IGF1: variants seen among roughly 807,000 people sequenced by gnomAD.
IGF1 encodes the protein insulin-like growth factor 1.
Under a neutral mutation model 13.8 loss-of-function variants are expected in IGF1, and 4 were observed. The ratio of observed to expected loss-of-function variants is 0.29; its 90% confidence interval spans 0.14 to 0.66. IGF1 has a LOEUF of 0.66. IGF1 is among the 30% of genes least tolerant of loss of function. The pLI is 0.78. For missense variants in IGF1, 124 were observed against 188.5 expected (o/e 0.66, Z 2.00); for synonymous variants, 76 against 72.6 (o/e 1.05, Z -0.23).
rs993885014 is a variant in IGF1 at position 102,397,574 on chromosome 12, T to C, written c.*4933A>G. ...TCTAATACCTAACAGGAAGGTCTTA[T>C]AAAATATTAAAATAGCAATAAGCAA... On this transcript the variant is annotated 3_prime_UTR_variant, in exon 4 of 4. Coordinates refer to ENST00000337514, the MANE Select transcript of IGF1 (RefSeq NM_000618.5). 1 of 152,184 alleles carries C rather than the reference T, an allele frequency of 6.6e-6. No individual in the cohort carries two copies. Among genetic ancestry groups the C allele is most frequent in the Non-Finnish European group, 1.5e-5 (1 of 68,022 alleles). 9.4% of individuals were successfully genotyped at this position (152,184 alleles called of 1,614,324 possible).
intron 2 of IGF1, among the ~76,000 whole-genome samples, chr12:102,438,084 A>G (rs1051232233): frequency 3.3e-5 from 5 of 152,168 alleles, no homozygotes; most frequent in Non-Finnish European, 5.9e-5. Flanking sequence ...ATGTTTGTGG[A>G]TTTTCCTGGA....
Position 102,419,491 on chromosome 12 carries a change from C to A in IGF1, c.402+18G>T. ...GAGACCACTTGAGGATGGCTGGATC[C>A]CACCCAGGTGGGCTTACCTTCTGGG... On this transcript the variant is annotated intron_variant, in intron 3 of 3. Transcript: ENST00000337514. 1 of 1,609,588 alleles carries A rather than the reference C, an allele frequency of 6.2e-7. No individual in the cohort carries two copies. Among genetic ancestry groups the A allele is most frequent in the South Asian group, 1.1e-5 (1 of 90,872 alleles).
intron 3 of IGF1, among the ~76,000 whole-genome samples, chr12:102,413,481 C>A (rs1302747420): frequency 6.6e-6 from 1 of 152,154 alleles, no homozygotes; most frequent in Non-Finnish European, 1.5e-5. Flanking sequence ...GAGCTCATTT[C>A]TTTGCCTCCT....
intron 1 of IGF1, chr12:102,478,587 G>C (rs1421164370): frequency 1.3e-6 from 2 of 1,564,700 alleles, no homozygotes; most frequent in African/African-American, 2.7e-5. Flanking sequence ...TTAAAAACAT[G>C]TGCTGCTTTG....
rs1873146781 is a variant in IGF1 at position 102,395,969 on chromosome 12, A to G, written c.*6538T>C. 1 of 152,220 alleles carries G rather than the reference A, an allele frequency of 6.6e-6. No homozygotes were observed. 9.4% of individuals were successfully genotyped at this position (152,220 alleles called of 1,614,324 possible). On this transcript the variant is annotated 3_prime_UTR_variant, in exon 4 of 4. Coordinates refer to ENST00000337514, the MANE Select transcript of IGF1 (RefSeq NM_000618.5). ...CATACATTTTCAAAATATGCTTATT[A>G]AACAGTAAATGTAAGATAATGATTC...
intron 2 of IGF1, among the ~76,000 whole-genome samples, chr12:102,437,868 C>T (rs1422424459): frequency 6.6e-6 from 1 of 152,174 alleles, no homozygotes; most frequent in Non-Finnish European, 1.5e-5. Context: ...TGTATCAGAA[C>T]ATCATGTGTA....
At chr12:102,442,950 T>A (rs999636851) in intron 2 of IGF1, among the ~76,000 whole-genome samples, 1 of 152,030 alleles carries the variant, frequency 6.6e-6, no homozygotes, top group African/African-American at 2.4e-5. Flanking sequence ...TAGGGAGGTG[T>A]TATTGCTGTT....
chr12:102,437,787 C>T (rs1179633450), intron 2 of IGF1, among the ~76,000 whole-genome samples: 1 of 152,114 alleles, frequency 6.6e-6, no homozygotes, highest in Non-Finnish European at 1.5e-5. Flanking sequence ...GTTCTCACCA[C>T]AAAGAAATGA....
intron 2 of IGF1, among the ~76,000 whole-genome samples, chr12:102,456,219 A>AAGGT (rs1479673763): frequency 2.3e-4 from 28 of 123,014 alleles, no homozygotes; most frequent in African/African-American, 8.8e-4. Flanking sequence ...CCATTTAAAA[A>AAGGT]AGGTGTGTGT....
chr12:102,439,740 C>T (rs1020770080), intron 2 of IGF1, among the ~76,000 whole-genome samples: 1 of 144,942 alleles, frequency 6.9e-6, no homozygotes, highest in Non-Finnish European at 1.5e-5. Flanking sequence ...AAAAGATTAA[C>T]TGGGTGGAAA....
At chr12:102,406,858 C>G (rs1318578525) in intron 3 of IGF1, among the ~76,000 whole-genome samples, 2 of 151,796 alleles carry the variant, frequency 1.3e-5, no homozygotes, top group African/African-American at 4.8e-5. Flanking sequence ...TTTGGGAGGC[C>G]GAGGTGGGCA....
chr12:102,444,291 T>C (rs114007967), intron 2 of IGF1, among the ~76,000 whole-genome samples: 42 of 152,044 alleles, frequency 2.8e-4, no homozygotes, highest in African/African-American at 9.6e-4. Flanking sequence ...GGGCAGTTCT[T>C]TTCTAGGAAA....
chr12:102,453,832 C>G (rs1879160184), intron 2 of IGF1, among the ~76,000 whole-genome samples: 1 of 152,196 alleles, frequency 6.6e-6, no homozygotes, highest in Admixed American at 6.5e-5. Context: ...CACTTAGAAT[C>G]TATGTGCCTT....
At chr12:102,413,397 G>GA (rs1874808605) in intron 3 of IGF1, among the ~76,000 whole-genome samples, 1 of 152,178 alleles carries the variant, frequency 6.6e-6, no homozygotes, top group African/African-American at 2.4e-5. Flanking sequence ...TATTACCTAA[G>GA]AAAACAATGT....
intron 2 of IGF1, chr12:102,423,200 C>T (rs1017356928): frequency 8.1e-6 from 1 of 124,128 alleles, no homozygotes; most frequent in Non-Finnish European, 1.6e-5. Context: ...TGTTTTCTAT[C>T]TATTTGAAGT....
intron 3 of IGF1, among the ~76,000 whole-genome samples, chr12:102,405,076 G>GCTTT (rs34097393): frequency 0.41 from 60,409 of 146,216 alleles, 13,005 homozygotes; most frequent in Admixed American, 0.53. Flanking sequence ...ATTGGGTTCT[G>GCTTT]CTTTCTTTCT....
chr12:102,413,805 A>G (rs748311557), intron 3 of IGF1, among the ~76,000 whole-genome samples: 3 of 152,190 alleles, frequency 2.0e-5, no homozygotes, highest in South Asian at 2.1e-4. Context: ...CTGAAAGTTC[A>G]TTATATGACC....
At chr12:102,478,961 G>A (rs1348820213) in intron 1 of IGF1, among the ~76,000 whole-genome samples, 1 of 152,178 alleles carries the variant, frequency 6.6e-6, no homozygotes, top group Non-Finnish European at 1.5e-5. Flanking sequence ...CCTGCTTCAA[G>A]TACAGAAAAA....
chr12:102,465,383 T>C (rs1306514317), intron 2 of IGF1, among the ~76,000 whole-genome samples: 1 of 152,186 alleles, frequency 6.6e-6, no homozygotes, highest in Non-Finnish European at 1.5e-5. Context: ...CATTTTACGA[T>C]AAGCTATGTA....
Sources: gnomAD v4.1 joint callset for allele counts (sites outside exome capture counted in the v4.1 genomes callset) on GRCh38, gnomAD v4.1.1 for gene constraint, MANE v1.5 for transcripts, NCBI Gene and HGNC (gene_info 2026-07-23, HGNC 2026-07-21) for gene names.